Variants in FLVCR1 observed in about 807,000 individuals in gnomAD.
The protein encoded by FLVCR1 is FLVCR choline and heme transporter 1.
FLVCR1 carries 34 observed loss-of-function variants against 53.6 expected under a neutral mutation model. The observed-to-expected ratio is 0.63, with a 90% confidence interval of 0.48 to 0.84. The LOEUF (loss-of-function observed/expected upper bound fraction) is 0.84. Ranked by LOEUF, FLVCR1 falls within the 40% of genes least tolerant of loss-of-function variation. The pLI is 0.00. For missense variants in FLVCR1, 677 were observed against 696.7 expected, an observed-to-expected ratio of 0.97 and a Z score of 0.32; for synonymous variants, 300 against 286.3, an observed-to-expected ratio of 1.05 and a Z score of -0.48.
intron 1 of FLVCR1, among the ~76,000 whole-genome samples, chr1:212,860,350 G>GTTTGTTTTTTTTTTTTTT (rs1664186197): frequency 1.2e-5 from 1 of 85,824 alleles, no homozygotes; most frequent in Non-Finnish European, 2.4e-5. Flanking sequence ...TGTGTGTGTG[G>GTTTGTTTTTTTTTTTTTT]TTTTTTTTTT....
Position 212,858,541 on chromosome 1 carries a change from C to T in FLVCR1, c.89C>T (p.Pro30Leu), listed in dbSNP as rs1448205241. 3 of 1,463,942 alleles carry T rather than the reference C, an allele frequency of 2.0e-6. No individual in the cohort carries two copies. 90.7% of individuals were successfully genotyped at this position (1,463,942 alleles called of 1,614,324 possible). Residue 30 changes from proline (P) to leucine (L), a missense_variant, in exon 1 of 10, where the codon CCC (proline) becomes CTC (leucine). Pro to Leu is a moderately conservative substitution (Grantham distance 98, BLOSUM62 -3). Transcript: ENST00000366971. The stretch of plus-strand genomic sequence containing the variant: ...TACCTCCCGTTGCCGAGGGGCGCGC[C>T]CGTTGGGAAGGAGAGCGTGGAGCTG... ...KGYLPLPRGA[P>L]VGKESVELQN...
At chr1:212,885,554 T>C (rs936730144) in intron 5 of FLVCR1, 158 bp downstream of exon 5, 4 of 431,592 alleles carry the variant, frequency 9.3e-6, no homozygotes, top group African/African-American at 2.1e-5. Context: ...GTGTTTCTTT[T>C]TTTTTTTTTT....
chr1:212,895,272 G>A lies in FLVCR1; in HGVS notation c.1650G>A (p.Gln550=). 1 of 1,613,266 alleles carries A rather than the reference G, an allele frequency of 6.2e-7. No homozygotes were observed. The highest frequency in any genetic ancestry group is 8.5e-7 in the Non-Finnish European group (1 of 1,179,294). ...QEPKTVMLSK[Q]SESAI ...CAAAAACGGTTATGTTGTCCAAGCA[G>A]TCAGAATCAGCAATTTGAAGAGAAA... Residue 550 remains glutamine (Q), a synonymous_variant, in exon 10 of 10, where the codon CAG becomes CAA. Coordinates refer to ENST00000366971, the MANE Select transcript of FLVCR1 (RefSeq NM_014053.4).
chr1:212,868,862 T>A (rs1664521651), intron 2 of FLVCR1, among the ~76,000 whole-genome samples: 1 of 152,210 alleles, frequency 6.6e-6, no homozygotes, highest in Non-Finnish European at 1.5e-5. Context: ...TTACATATAT[T>A]GTATCATGTA....
chr1:212,889,121 A>C (rs1296273178), intron 7 of FLVCR1, 25 bp from the exon 8 acceptor site: 1 of 1,442,406 alleles, frequency 6.9e-7, no homozygotes, highest in South Asian at 1.1e-5. Context: ...CTTAATAACG[A>C]ATGATTTTTC....
In FLVCR1 at chr1:212,895,588, A is replaced by G; in HGVS notation, c.*298A>G. The G allele has an allele frequency of 2.6e-6, 1 of 387,986 alleles. No individual in the cohort carries two copies. Among genetic ancestry groups the G allele is most frequent in the South Asian group, 2.7e-5 (1 of 37,504 alleles). The allele number at this position is 387,986 out of a possible 1,614,324, so 24.0% of individuals were successfully genotyped here. On this transcript the variant is annotated 3_prime_UTR_variant, in exon 10 of 10. Coordinates refer to ENST00000366971, the MANE Select transcript of FLVCR1 (RefSeq NM_014053.4). ...AGCTTCTTGACGTTTACTTTTTAAA[A>G]GTCGATGTTTTTCTTTTTTGTAGAA...
intron 2 of FLVCR1, among the ~76,000 whole-genome samples, chr1:212,868,643 A>T (rs927796497): frequency 6.6e-5 from 10 of 151,578 alleles, no homozygotes; most frequent in Non-Finnish European, 2.9e-5. Flanking sequence ...TCCTGACCTC[A>T]GGTGATCCGC....
intron 3 of FLVCR1, among the ~76,000 whole-genome samples, chr1:212,877,339 A>T (rs1664781768): frequency 6.6e-6 from 1 of 151,744 alleles, no homozygotes; most frequent in African/African-American, 2.4e-5. Flanking sequence ...CTCCCTCCCG[A>T]GTAGCTGGGA....
Position 212,858,878 on chromosome 1 carries a change from C to T in FLVCR1, c.426C>T (p.Thr142=). Residue 142 remains threonine (T), a synonymous_variant, in exon 1 of 10, where the codon ACC becomes ACT. Transcript: ENST00000366971. ...SNVFEGFYGV[T]LLHIDWLSMV... ...TCTTCGAGGGCTTCTACGGTGTCAC[C>T]TTGCTGCACATCGACTGGCTGTCCA... The T allele has an allele frequency of 6.2e-7, 1 of 1,614,248 alleles. No individual in the cohort carries two copies. Among genetic ancestry groups the T allele is most frequent in the Non-Finnish European group, 8.5e-7 (1 of 1,180,042 alleles).
In FLVCR1 at chr1:212,858,753, A is replaced by C. The variant is rs780575414; in HGVS notation, c.301A>C (p.Thr101Pro). 2 of 1,613,452 alleles carry C rather than the reference A, an allele frequency of 1.2e-6. No individual in the cohort carries two copies. Among genetic ancestry groups the C allele is most frequent in the South Asian group, 2.2e-5 (2 of 91,052 alleles). Residue 101 changes from threonine to proline, a missense_variant, in exon 1 of 10, where the codon ACG becomes CCG. By Grantham distance (38) the Thr-to-Pro change is conservative. Coordinates refer to ENST00000366971, the MANE Select transcript of FLVCR1 (RefSeq NM_014053.4). ...PGAESSPLPL[T>P]ALSPRRFVVL... ...GGCCGAGAGCAGCCCGCTGCCCCTTACGGCGCTCTCCCCGCGGCGCTTCGT... is the reference window on the plus strand; with the variant it reads ...GGCCGAGAGCAGCCCGCTGCCCCTTCCGGCGCTCTCCCCGCGGCGCTTCGT...
chr1:212,868,567 AC>A (rs1664511237), intron 2 of FLVCR1, among the ~76,000 whole-genome samples: 1 of 151,908 alleles, frequency 6.6e-6, no homozygotes, highest in African/African-American at 2.4e-5. Context: ...GCACCACCAC[AC>A]CCGGCTAATT....
At chr1:212,868,340 G>T (rs1664501775) in intron 2 of FLVCR1, among the ~76,000 whole-genome samples, 1 of 152,214 alleles carries the variant, frequency 6.6e-6, no homozygotes, top group African/African-American at 2.4e-5. Context: ...CTCCCAAAGT[G>T]CTGGGATTAC....
intron 5 of FLVCR1, among the ~76,000 whole-genome samples, chr1:212,887,673 C>G (rs1160032591): frequency 6.6e-6 from 1 of 152,094 alleles, no homozygotes; most frequent in South Asian, 2.1e-4. Context: ...ATAAAAGGAT[C>G]CTATCTGAGC....
chr1:212,872,578 C>T (rs1023654303), intron 2 of FLVCR1, 100 bp from the exon 3 acceptor site: 1 of 825,318 alleles, frequency 1.2e-6, no homozygotes, highest in African/African-American at 1.7e-5. Flanking sequence ...TGTATTCTGT[C>T]TGCTCACTAA....
chr1:212,888,518 G>A lies in FLVCR1; in HGVS notation c.1337G>A (p.Gly446Asp), dbSNP rs1182706333. 6.2e-7 allele frequency: 1 copy of A among 1,613,606 alleles called. No individual in the cohort carries two copies. Among genetic ancestry groups the A allele is most frequent in the Non-Finnish European group, 8.5e-7 (1 of 1,179,778 alleles). ...GFFMTGYLPL[G>D]FEFAVEITYP... ...TTCATGACTGGTTACCTCCCTTTGGGTTTTGAATTTGCTGTTGAAATCACT... is the reference window on the plus strand; with the variant it reads ...TTCATGACTGGTTACCTCCCTTTGGATTTTGAATTTGCTGTTGAAATCACT... Residue 446 changes from glycine (G) to aspartate (D), a missense_variant, in exon 7 of 10, where the codon GGT becomes GAT. Gly to Asp is a moderately conservative substitution (Grantham distance 94). Transcript: ENST00000366971.
intron 2 of FLVCR1, 21 bp from the exon 3 acceptor site, chr1:212,872,657 C>T (rs750477720): frequency 2.6e-6 from 4 of 1,557,386 alleles, no homozygotes; most frequent in Non-Finnish European, 3.5e-6. Context: ...TATACATAAT[C>T]CTTTTCGTGT....
At chr1:212,863,408 G>T (rs1265580810) in intron 1 of FLVCR1, among the ~76,000 whole-genome samples, 1 of 152,150 alleles carries the variant, frequency 6.6e-6, no homozygotes, top group Admixed American at 6.5e-5. Context: ...TGACCAACAT[G>T]GTGAAACCCC....
chr1:212,871,295 T>G (rs1428345606), intron 2 of FLVCR1, among the ~76,000 whole-genome samples: 1 of 152,216 alleles, frequency 6.6e-6, no homozygotes, highest in African/African-American at 2.4e-5. Context: ...CTATTGTAAT[T>G]AACAATTTTG....
intron 3 of FLVCR1, among the ~76,000 whole-genome samples, chr1:212,876,788 G>T (rs4951647): frequency 0.22 from 33,669 of 152,176 alleles, 4,361 homozygotes; most frequent in East Asian, 0.44. Context: ...GAAGAGTGCT[G>T]CAGTGAACAT....
Sources: gnomAD v4.1 joint callset for allele counts (sites outside exome capture counted in the v4.1 genomes callset) on GRCh38, gnomAD v4.1.1 for gene constraint, MANE v1.5 for transcripts, NCBI Gene and HGNC (gene_info 2026-07-23, HGNC 2026-07-21) for gene names.